Variants in ZNF345 observed in about 807,000 individuals in gnomAD.
The protein encoded by ZNF345 is zinc finger protein 345.
For synonymous variants in ZNF345, 166 were observed against 187.9 expected, an observed-to-expected ratio of 0.88 and a Z score of 0.95; for missense variants, 527 against 589.9, an observed-to-expected ratio of 0.89 and a Z score of 1.10.
chr19:36,855,472 T>TTC (rs2072395350), intron 2 of ZNF345, among the ~76,000 whole-genome samples: 2 of 144,552 alleles, frequency 1.4e-5, no homozygotes, highest in East Asian at 2.0e-4. Context: ...TTTTTTTTTT[T>TTC]AAACAGAGTT....
intron 2 of ZNF345, among the ~76,000 whole-genome samples, chr19:36,875,673 G>T (rs1220503847): frequency 1.3e-5 from 2 of 152,154 alleles, no homozygotes; most frequent in Admixed American, 6.5e-5. Flanking sequence ...AGATAATTTT[G>T]ATTTGGATTA....
chr19:36,853,252 T>C (rs1220685030), intron 2 of ZNF345, among the ~76,000 whole-genome samples: 12 of 148,312 alleles, frequency 8.1e-5, no homozygotes, highest in East Asian at 7.7e-4. Flanking sequence ...TTTCTTTTTT[T>C]TTTTTTTTTT....
intron 2 of ZNF345, among the ~76,000 whole-genome samples, chr19:36,857,182 A>G (rs1427856978): frequency 6.6e-6 from 1 of 152,134 alleles, no homozygotes; most frequent in East Asian, 1.9e-4. Context: ...TAGTTTGCTT[A>G]CAAATTATTG....
At chr19:36,889,147 A>G (rs2073026522) in intron 3 of ZNF345, 1 of 152,158 alleles carries the variant, frequency 6.6e-6, no homozygotes, top group African/African-American at 2.4e-5. Flanking sequence ...AATAAAATCC[A>G]CTTGACTGTG....
intron 2 of ZNF345, among the ~76,000 whole-genome samples, 153 bp from the exon 3 acceptor site, chr19:36,876,632 T>C (rs1467838878): frequency 6.6e-6 from 1 of 152,196 alleles, no homozygotes; most frequent in African/African-American, 2.4e-5. Flanking sequence ...CCCTAATCTG[T>C]TTTTCAAATT....
rs761743143 is a variant in ZNF345, at chr19:36,877,558, C to T, written c.728C>T (p.Ser243Leu). The T allele has an allele frequency of 2.9e-5, 46 of 1,613,990 alleles. No individual in the cohort carries two copies. Among genetic ancestry groups the T allele is most frequent in the East Asian group, 1.8e-4 (8 of 44,886 alleles). The part of the protein sequence containing the change: ...KACGMAFSSG[S>L]ALTRHQRIHT... ...TGTGGAATGGCCTTTAGCAGTGGTT[C>T]GGCTCTTACTCGGCATCAGAGAATT... The change falls in exon 3 of 3, where the codon TCG becomes TTG. Residue 243 changes from serine (S) to leucine (L), a missense_variant. Ser to Leu is a moderately radical substitution (Grantham distance 145, BLOSUM62 -2). Transcript: ENST00000420450.
chr19:36,891,498 A>G, intron 3 of ZNF345: 1 of 1,546,708 alleles, frequency 6.5e-7, no homozygotes, highest in South Asian at 1.3e-5. Flanking sequence ...TCATTCAACC[A>G]GTATGAATTC....
chr19:36,858,393 T>C (rs1382683017), intron 2 of ZNF345: 1 of 152,488 alleles, frequency 6.6e-6, no homozygotes, highest in South Asian at 2.1e-4. Flanking sequence ...AACTGGTGAC[T>C]TCAGCGCATA....
At chr19:36,880,615 C>T (rs2072962217), downstream of ZNF345, among the ~76,000 whole-genome samples, 2 of 151,302 alleles carry the variant, frequency 1.3e-5, no homozygotes, top group Admixed American at 1.3e-4. Context: ...ATAGCAAGCC[C>T]CCATCTCTAC....
rs776924968 is a variant in ZNF345, at chr19:36,878,130, G to C, written c.1300G>C (p.Ala434Pro). 4 of 1,613,960 alleles carry C rather than the reference G, an allele frequency of 2.5e-6. No homozygotes were observed. The highest frequency in any genetic ancestry group is 3.4e-6 in the Non-Finnish European group (4 of 1,180,012). ...CTATGAATGTAAGGAGTGTGGGAAGGCTTTTTATAGTGGCTCAAGCCTTAC... is the reference window on the plus strand; with the variant it reads ...CTATGAATGTAAGGAGTGTGGGAAGCCTTTTTATAGTGGCTCAAGCCTTAC... ...KPYECKECGK[A>P]FYSGSSLTQH... is the part of the protein sequence containing the mutation. Residue 434 changes from alanine to proline, a missense_variant, in exon 3 of 3, where the codon GCT becomes CCT. Physicochemically the swap from Ala to Pro is conservative, Grantham distance 27. Coordinates refer to ENST00000420450, the MANE Select transcript of ZNF345 (RefSeq NM_001242472.2).
At chr19:36,873,681 T>C (rs956236189) in intron 2 of ZNF345, among the ~76,000 whole-genome samples, 1 of 143,736 alleles carries the variant, frequency 7.0e-6, no homozygotes, top group Non-Finnish European at 1.5e-5. Flanking sequence ...CTGTATGCTA[T>C]TTCTGTACTT....
chr19:36,892,508 T>G (rs1600728122), intron 3 of ZNF345: 2 of 1,520,588 alleles, frequency 1.3e-6, no homozygotes, highest in Non-Finnish European at 1.7e-6. Context: ...ATTTTCCTAT[T>G]CTGGGCAAGT....
intron 2 of ZNF345, among the ~76,000 whole-genome samples, chr19:36,852,996 C>T (rs542827053): frequency 7.3e-5 from 11 of 150,624 alleles, no homozygotes; most frequent in African/African-American, 2.2e-4. Flanking sequence ...CTCTGATTTA[C>T]GGCAGTTGTA....
At chr19:36,887,993 C>A (rs979437978) in intron 3 of ZNF345, 5 of 151,798 alleles carry the variant, frequency 3.3e-5, no homozygotes, top group African/African-American at 1.2e-4. Context: ...TAAAAAATAC[C>A]AAAGAGGCCA....
chr19:36,870,195 C>T (rs1230580837), intron 2 of ZNF345, among the ~76,000 whole-genome samples: 1 of 152,156 alleles, frequency 6.6e-6, no homozygotes, highest in Admixed American at 6.6e-5. Context: ...GTCTTTTTAA[C>T]AGATTTTATT....
intron 2 of ZNF345, among the ~76,000 whole-genome samples, chr19:36,869,188 C>T (rs549838966): frequency 6.6e-6 from 1 of 152,096 alleles, no homozygotes; most frequent in Non-Finnish European, 1.5e-5. Flanking sequence ...TGACTCCCTC[C>T]CCCTCCCCCC....
At chr19:36,860,913 G>C (rs2072532673) in intron 2 of ZNF345, among the ~76,000 whole-genome samples, 1 of 151,754 alleles carries the variant, frequency 6.6e-6, no homozygotes, top group Non-Finnish European at 1.5e-5. Flanking sequence ...TCTGTTATTA[G>C]TAAGATGTAA....
At chr19:36,868,292 G>A (rs906161617) in intron 2 of ZNF345, among the ~76,000 whole-genome samples, 3 of 151,926 alleles carry the variant, frequency 2.0e-5, no homozygotes, top group African/African-American at 2.4e-5. Flanking sequence ...GTGAGCCACC[G>A]CGCCCGGCCT....
intron 2 of ZNF345, 58 bp from the exon 3 acceptor site, chr19:36,876,727 C>T (rs553945810): frequency 2.7e-5 from 31 of 1,163,860 alleles, no homozygotes; most frequent in Non-Finnish European, 3.3e-5. Flanking sequence ...CTATTATAAA[C>T]GTTTAATCTC....
Sources: gnomAD v4.1 joint callset for allele counts (sites outside exome capture counted in the v4.1 genomes callset) on GRCh38, gnomAD v4.1.1 for gene constraint, MANE v1.5 for transcripts, NCBI Gene and HGNC (gene_info 2026-07-23, HGNC 2026-07-21) for gene names.